The following PLEKHM3 variants were observed in gnomAD, a reference collection of about 807,000 sequenced individuals.
PLEKHM3 encodes pleckstrin homology domain containing M3.
A neutral mutation model predicts 81.8 loss-of-function variants in PLEKHM3; 45 were observed. The observed-to-expected ratio is 0.55, with a 90% confidence interval of 0.43 to 0.71. The LOEUF (loss-of-function observed/expected upper bound fraction) is 0.71. Among genes scored for constraint, PLEKHM3 ranks in the 30% least tolerant of loss-of-function variants. The pLI is 0.00. For missense variants in PLEKHM3, 788 were observed against 924.3 expected, an observed-to-expected ratio of 0.85 and a Z score of 1.91; for synonymous variants, 352 against 356.4, an observed-to-expected ratio of 0.99 and a Z score of 0.14.
intron 5 of PLEKHM3, 65 bp downstream of exon 5, chr2:207,930,861 C>T: frequency 6.4e-7 from 1 of 1,568,438 alleles, no homozygotes; most frequent in Non-Finnish European, 8.7e-7. Flanking sequence ...TGGAGATAAT[C>T]TCACCACCCT....
In PLEKHM3 at chr2:207,908,530, A is replaced by G. The variant is rs1416651103; in HGVS notation, c.1934T>C (p.Leu645Pro). 37 of 1,612,546 alleles carry G rather than the reference A, an allele frequency of 2.3e-5. No homozygotes were observed. Among genetic ancestry groups the G allele is most frequent in the Non-Finnish European group, 3.1e-5 (37 of 1,179,672 alleles). ...YLLQQIHLYS[L>P]ADLQQVIEGK... ...AGCACTTACCTGCTGCAGGTCGGCA[A>G]GTGAATACAGGTGGATCTGTTGAAG... Residue 645 changes from leucine to proline, a missense_variant, in exon 6 of 8, where the codon CTT becomes CCT. Coordinates refer to ENST00000427836, the MANE Select transcript of PLEKHM3 (RefSeq NM_001080475.3).
At chr2:207,999,018 C>T (rs1191096584) in intron 2 of PLEKHM3, among the ~76,000 whole-genome samples, 2 of 151,706 alleles carry the variant, frequency 1.3e-5, no homozygotes, top group African/African-American at 4.8e-5. Context: ...GACAGAGTCT[C>T]CCTCTGTCAC....
chr2:207,937,028 G>A (rs551651695), intron 4 of PLEKHM3, among the ~76,000 whole-genome samples: 1 of 152,236 alleles, frequency 6.6e-6, no homozygotes, highest in South Asian at 2.1e-4. Flanking sequence ...ATCTCTGGAA[G>A]GATACACGAG....
intron 2 of PLEKHM3, among the ~76,000 whole-genome samples, chr2:207,983,879 T>A (rs1691627537): frequency 6.6e-6 from 1 of 152,216 alleles, no homozygotes; most frequent in Non-Finnish European, 1.5e-5. Context: ...CATGGCCACC[T>A]TCATCAAGGT....
intron 3 of PLEKHM3, among the ~76,000 whole-genome samples, chr2:207,956,543 A>T (rs562301275): frequency 0.014 from 2,090 of 151,592 alleles, 55 homozygotes; most frequent in African/African-American, 0.048. Flanking sequence ...TTAAAAAAAA[A>T]ATTTTTTTTT....
intron 6 of PLEKHM3, among the ~76,000 whole-genome samples, chr2:207,896,178 G>A (rs1250957984): frequency 6.6e-6 from 1 of 152,212 alleles, no homozygotes; most frequent in Admixed American, 6.5e-5. Context: ...GCTGGAAGGG[G>A]CTGTAAAGAT....
chr2:207,876,432 T>C (rs2092560292), intron 6 of PLEKHM3, among the ~76,000 whole-genome samples: 1 of 152,276 alleles, frequency 6.6e-6, no homozygotes, highest in African/African-American at 2.4e-5. Flanking sequence ...TTGTCCCTAA[T>C]AATATGTTTA....
rs182822925 is a variant in PLEKHM3 at position 207,830,195 on chromosome 2, C to G, written c.2109-1699G>C. ...GGTGGTGAGGCCAGCCAGCAAGGAGCTTCACATCAATTCCTGGCTGTGTGA... is the reference window on the plus strand; with the variant it reads ...GGTGGTGAGGCCAGCCAGCAAGGAGGTTCACATCAATTCCTGGCTGTGTGA... On this transcript the variant is annotated intron_variant, in intron 7 of 7. Coordinates refer to ENST00000427836, the MANE Select transcript of PLEKHM3 (RefSeq NM_001080475.3). Among the ~76,000 whole-genome samples the G allele has an allele frequency of 6.7e-3, 1,025 of 152,238 alleles. 9 individuals are homozygous for G. The highest frequency in any genetic ancestry group is 0.012 in the Non-Finnish European group (826 of 68,010).
At chr2:207,990,031 C>A (rs1365525338) in intron 2 of PLEKHM3, among the ~76,000 whole-genome samples, 1 of 152,170 alleles carries the variant, frequency 6.6e-6, no homozygotes, top group Admixed American at 6.5e-5. Flanking sequence ...ACTCCTCCTT[C>A]TCATGGGTGG....
intron 3 of PLEKHM3, among the ~76,000 whole-genome samples, chr2:207,973,034 A>C (rs1691181166): frequency 6.6e-6 from 1 of 152,240 alleles, no homozygotes; most frequent in Admixed American, 6.5e-5. Flanking sequence ...TAGACATAAA[A>C]ACTTATAAAG....
chr2:207,969,903 A>G (rs537576654), intron 3 of PLEKHM3, among the ~76,000 whole-genome samples: 10 of 152,318 alleles, frequency 6.6e-5, no homozygotes, highest in African/African-American at 2.4e-4. Context: ...TGAGCAAGGA[A>G]TTTAAGATAA....
chr2:207,918,597 C>G lies in PLEKHM3; in HGVS notation c.1887-10020G>C, dbSNP rs114055229. Among the ~76,000 whole-genome samples the G allele has an allele frequency of 9.8e-4, 149 of 152,218 alleles. 3 individuals carry two copies. The highest frequency in any genetic ancestry group is 1.1e-3 in the Non-Finnish European group (76 of 68,014). On this transcript the variant is annotated intron_variant, in intron 5 of 7. Coordinates refer to ENST00000427836, the MANE Select transcript of PLEKHM3 (RefSeq NM_001080475.3). ...AACCACTCTCATGGGGAAAGATCAT[C>G]TGCAGAGGAAAAGGTCTGGGAGGAT...
At chr2:207,868,000 G>A (rs557830284) in intron 6 of PLEKHM3, among the ~76,000 whole-genome samples, 1 of 152,274 alleles carries the variant, frequency 6.6e-6, no homozygotes, top group East Asian at 1.9e-4. Context: ...ATGACTATGG[G>A]TGAGACAAAG....
chr2:207,935,234 A>G (rs1193061801), intron 4 of PLEKHM3, among the ~76,000 whole-genome samples: 1 of 152,228 alleles, frequency 6.6e-6, no homozygotes, highest in Admixed American at 6.5e-5. Context: ...TTCAAAGTAC[A>G]GCATGTTTGC....
At chr2:208,012,395 T>G (rs1692732713) in intron 1 of PLEKHM3, among the ~76,000 whole-genome samples, 1 of 152,248 alleles carries the variant, frequency 6.6e-6, no homozygotes, top group African/African-American at 2.4e-5. Context: ...ATGATTCATT[T>G]ATTGTCAATT....
chr2:207,970,705 G>T (rs2106017003), intron 3 of PLEKHM3, among the ~76,000 whole-genome samples: 1 of 152,212 alleles, frequency 6.6e-6, no homozygotes, highest in South Asian at 2.1e-4. Context: ...CCTCCTGTAA[G>T]GTCTCAATTA....
At position 208,023,150 on chromosome 2, in the gene PLEKHM3, CT is replaced by C. The variant is rs550456484; in HGVS notation, c.-319+2238del. Among the ~76,000 whole-genome samples, 942 of 143,530 alleles carry C rather than the reference CT, an allele frequency of 6.6e-3. 5 individuals are homozygous for C. The highest frequency in any genetic ancestry group is 0.018 in the African/African-American group (722 of 39,086). The allele number at this position is 143,530 out of a possible 152,430, so 94.2% of individuals were successfully genotyped here. On this transcript the variant is annotated intron_variant, in intron 1 of 7. Coordinates refer to ENST00000427836, the MANE Select transcript of PLEKHM3 (RefSeq NM_001080475.3). ...ATAATATGAAATTTACCATATTAAC[CT>C]TTTTTTTTTTTATGACATGGTCTTG... is the stretch of plus-strand genomic sequence containing the variant.
At chr2:207,868,750 G>A (rs1477190536) in intron 6 of PLEKHM3, 6 of 151,968 alleles carry the variant, frequency 3.9e-5, no homozygotes, top group Non-Finnish European at 7.4e-5. Flanking sequence ...TTTACATCAA[G>A]GGGAAGGAAA....
At chr2:207,994,978 T>C (rs1692022786) in intron 2 of PLEKHM3, among the ~76,000 whole-genome samples, 1 of 152,146 alleles carries the variant, frequency 6.6e-6, no homozygotes, top group South Asian at 2.1e-4. Context: ...TGTATACCTA[T>C]GTAACAAACT....
Sources: allele counts gnomAD v4.1 joint callset (sites outside exome capture counted in the v4.1 genomes callset), GRCh38; gene constraint gnomAD v4.1.1; transcripts MANE v1.5; gene names NCBI Gene and HGNC (gene_info 2026-07-23, HGNC 2026-07-21).